The following DCC variants were observed in gnomAD, a reference collection of about 807,000 sequenced individuals.
The protein encoded by DCC is DCC netrin 1 receptor.
A neutral mutation model predicts 172.5 loss-of-function variants in DCC; 58 were observed. The observed-to-expected ratio is 0.34, with a 90% confidence interval of 0.27 to 0.42. DCC has a LOEUF of 0.42. Ranked by LOEUF, DCC falls within the 10% of genes least tolerant of loss-of-function variation. The probability of loss-of-function intolerance (pLI) is 1.00; values close to 1 mark genes in which losing one functional copy is unlikely to be tolerated. For synonymous variants in DCC, 709 were observed against 644.5 expected, an observed-to-expected ratio of 1.10 and a Z score of -1.52; for missense variants, 1,740 against 1,791.0, an observed-to-expected ratio of 0.97 and a Z score of 0.51.
chr18:53,426,313 T>TTTATAA (rs1910941328), intron 21 of DCC, among the ~76,000 whole-genome samples: 2 of 50,364 alleles, frequency 4.0e-5, no homozygotes, highest in South Asian at 5.1e-4. Context: ...ATAATATATA[T>TTTATAA]TATATATTTA....
At chr18:53,154,742 G>C (rs2054701091) in intron 7 of DCC, among the ~76,000 whole-genome samples, 1 of 152,094 alleles carries the variant, frequency 6.6e-6, no homozygotes, top group Admixed American at 6.5e-5. Context: ...ATGGGCTTCG[G>C]GTTTCCAGGC....
intron 15 of DCC, among the ~76,000 whole-genome samples, chr18:53,344,925 C>T (rs1210053694): frequency 6.7e-6 from 1 of 150,028 alleles, no homozygotes; most frequent in African/African-American, 2.4e-5. Context: ...AGAAATATGT[C>T]TTATAAGAGA....
At chr18:52,572,438 G>A (rs1444774088) in intron 1 of DCC, among the ~76,000 whole-genome samples, 2 of 152,112 alleles carry the variant, frequency 1.3e-5, no homozygotes, top group Non-Finnish European at 2.9e-5. Flanking sequence ...TGGTTCCTGA[G>A]GTCTCCACTG....
At chr18:53,256,484 T>A (rs62097974) in intron 12 of DCC, among the ~76,000 whole-genome samples, 1 of 150,990 alleles carries the variant, frequency 6.6e-6, no homozygotes, top group Non-Finnish European at 1.5e-5. Flanking sequence ...TTTCCTGATT[T>A]CTTGTTTTTG....
chr18:52,370,420 G>A (rs1463323142), intron 1 of DCC, among the ~76,000 whole-genome samples: 2 of 152,130 alleles, frequency 1.3e-5, no homozygotes, highest in Non-Finnish European at 2.9e-5. Flanking sequence ...TCAGGGACTA[G>A]GATGGAGCTG....
At chr18:52,912,248 G>C (rs2039980891) in intron 3 of DCC, among the ~76,000 whole-genome samples, 2 of 152,056 alleles carry the variant, frequency 1.3e-5, no homozygotes, top group Admixed American at 1.3e-4. Flanking sequence ...TTCATAGGGT[G>C]GTTGTGAGGC....
At chr18:53,521,274 G>A (rs952190543) in intron 27 of DCC, among the ~76,000 whole-genome samples, 4 of 152,118 alleles carry the variant, frequency 2.6e-5, no homozygotes. Context: ...CTGGGCACTA[G>A]AGAAAATCAA....
intron 1 of DCC, among the ~76,000 whole-genome samples, chr18:52,615,091 A>G (rs2034354946): frequency 6.6e-6 from 1 of 152,204 alleles, no homozygotes; most frequent in African/African-American, 2.4e-5. Flanking sequence ...GCTGCAAATC[A>G]TGGAATCCCT....
At chr18:53,309,962 G>A (rs371105883) in intron 13 of DCC, among the ~76,000 whole-genome samples, 70 of 133,282 alleles carry the variant, frequency 5.3e-4, no homozygotes, top group African/African-American at 1.4e-3. Flanking sequence ...ATATACGTGT[G>A]TGTATATATA....
At chr18:52,937,782 A>G (rs1177095243) in intron 5 of DCC, among the ~76,000 whole-genome samples, 1 of 152,094 alleles carries the variant, frequency 6.6e-6, no homozygotes, top group Admixed American at 6.6e-5. Context: ...CACCCAGCCA[A>G]TGTGACTTTT....
At chr18:52,686,018 G>A (rs1179509868) in intron 1 of DCC, among the ~76,000 whole-genome samples, 1 of 151,734 alleles carries the variant, frequency 6.6e-6, no homozygotes. Context: ...CAATGTAAAG[G>A]GGTACAGGAC....
At chr18:53,262,818 T>C (rs1314311775) in intron 12 of DCC, among the ~76,000 whole-genome samples, 1 of 152,242 alleles carries the variant, frequency 6.6e-6, no homozygotes, top group Non-Finnish European at 1.5e-5. Flanking sequence ...AATTCATTTA[T>C]CTGCCAGCTA....
chr18:52,649,874 G>A (rs2035094765), intron 1 of DCC, among the ~76,000 whole-genome samples: 1 of 151,754 alleles, frequency 6.6e-6, no homozygotes, highest in South Asian at 2.1e-4. Context: ...GAAGAGTACT[G>A]CTTTAAACAT....
chr18:53,411,616 T>A (rs1469419245), intron 20 of DCC, among the ~76,000 whole-genome samples: 1 of 152,132 alleles, frequency 6.6e-6, no homozygotes, highest in Non-Finnish European at 1.5e-5. Context: ...CTAGGAAAGG[T>A]ACCCTAGTAA....
intron 2 of DCC, among the ~76,000 whole-genome samples, chr18:52,801,521 A>C (rs985529570): frequency 1.3e-5 from 2 of 152,252 alleles, no homozygotes; most frequent in Admixed American, 6.5e-5. Flanking sequence ...AGATTGCCTT[A>C]GTCAAATAAA....
intron 12 of DCC, among the ~76,000 whole-genome samples, chr18:53,251,813 C>G (rs2056438954): frequency 6.6e-6 from 1 of 151,876 alleles, no homozygotes. Flanking sequence ...TCATTCATGA[C>G]TTGTCATCTT....
chr18:52,450,685 T>G (rs1055474529), intron 1 of DCC, among the ~76,000 whole-genome samples: 13 of 152,270 alleles, frequency 8.5e-5, no homozygotes, highest in Admixed American at 3.9e-4. Flanking sequence ...TCATCCATTT[T>G]GTTCACCAAT....
chr18:53,307,893 G>GTA (rs371050852), intron 13 of DCC, among the ~76,000 whole-genome samples: 1 of 97,580 alleles, frequency 1.0e-5, no homozygotes, highest in Non-Finnish European at 1.8e-5. Flanking sequence ...CAATGTGTGT[G>GTA]TATGTATATA....
intron 1 of DCC, among the ~76,000 whole-genome samples, chr18:52,490,583 C>A (rs927609335): frequency 6.6e-6 from 1 of 152,070 alleles, no homozygotes; most frequent in Non-Finnish European, 1.5e-5. Flanking sequence ...AGGGCGCTTT[C>A]TGTTTTGTTA....
Sources: gnomAD v4.1 joint callset for allele counts (sites outside exome capture counted in the v4.1 genomes callset) on GRCh38, gnomAD v4.1.1 for gene constraint, MANE v1.5 for transcripts, NCBI Gene and HGNC (gene_info 2026-07-23, HGNC 2026-07-21) for gene names.